The following PPIAL4A variants were observed in gnomAD, a reference collection of about 807,000 sequenced individuals.
The protein encoded by PPIAL4A is peptidyl-prolyl cis-trans isomerase A-like 4A.
In PPIAL4A, 6 loss-of-function variants were observed where a neutral mutation model predicts 7.2. The ratio of observed to expected loss-of-function variants is 0.83; its 90% CI spans 0.46 to 1.65. The LOEUF is 1.65. Among genes scored for constraint, PPIAL4A ranks in the 40% most tolerant of loss-of-function variants. PPIAL4A has a pLI of 0.01. For missense variants in PPIAL4A, 212 were observed against 209.4 expected (o/e 1.01, Z -0.08); for synonymous variants, 53 against 75.1 (o/e 0.71, Z 1.52).
At position 120,890,131 on chromosome 1, in the gene PPIAL4A, G is replaced by A; in HGVS notation, c.311G>A (p.Gly104Glu). 5 of 1,550,736 alleles carry A rather than the reference G, an allele frequency of 3.2e-6. No homozygotes were observed. The highest frequency in any genetic ancestry group is 1.8e-5 in the African/African-American group (1 of 56,806). ...GGCATCTTGTCCATGGCAAATGCTG[G>A]ACCCAACACAAATGGTTCCCAGTTT... Reference protein sequence around the residue: ...GSGILSMANAGPNTNGSQFFI... With the variant: ...GSGILSMANAEPNTNGSQFFI... The change falls in exon 1 of 1, where the codon GGA (glycine) becomes GAA (glutamate). Residue 104 changes from glycine (G) to glutamate (E), a missense_variant. By Grantham distance (98) the Gly-to-Glu change is moderately conservative. Coordinates refer to ENST00000577856, the MANE Select transcript of PPIAL4A (RefSeq NM_001143883.4).
Position 120,889,986 on chromosome 1 carries a change from A to G in PPIAL4A, c.166A>G (p.Ile56Val). 2 of 1,474,468 alleles carry G rather than the reference A, an allele frequency of 1.4e-6. No homozygotes were observed. The highest frequency in any genetic ancestry group is 1.8e-6 in the Non-Finnish European group (2 of 1,087,338). 91.3% of individuals were successfully genotyped at this position (1,474,468 alleles called of 1,614,324 possible). A position where few individuals can be genotyped will look rare whatever the true frequency, so the allele number is the denominator to read the frequency against. Reference protein sequence around the residue: ...FRYKGSCFHRIIPGFMCQGGD... With the variant: ...FRYKGSCFHRVIPGFMCQGGD... The stretch of plus-strand genomic sequence containing the variant: ...TTATAAGGGTTCCTGCTTTCACAGA[A>G]TTATTCCAGGGTTTATGTGTCAGGG... The change falls in exon 1 of 1, where the codon ATT becomes GTT. Residue 56 changes from isoleucine (I) to valine (V), a missense_variant. Physicochemically the swap from Ile to Val is conservative, Grantham distance 29. Transcript: ENST00000577856.
rs1377113725 is a variant in PPIAL4A, at chr1:120,890,090, A to G, written c.270A>G (p.Arg90=). ...AATTTGATGATGAGAACCTCATCCG[A>G]AAGCATACAGGTTCTGGCATCTTGT... ...GEKFDDENLI[R]KHTGSGILSM... Residue 90 remains arginine, a synonymous_variant, in exon 1 of 1, where the codon CGA becomes CGG. Transcript: ENST00000577856. 66 of 1,498,568 alleles carry G rather than the reference A, an allele frequency of 4.4e-5. 5 individuals carry two copies. In the East Asian group the frequency reaches 1.4e-3, roughly 31 times the overall value. 92.8% of individuals were successfully genotyped at this position (1,498,568 alleles called of 1,614,324 possible).
At position 120,890,406 on chromosome 1, in the gene PPIAL4A, C is replaced by T. The variant is rs1340307468; in HGVS notation, c.*91C>T. 2.2e-6 allele frequency: 2 copies of T among 911,182 alleles called. 1 individual carries two copies. Among genetic ancestry groups the T allele is most frequent in the Non-Finnish European group, 3.1e-6 (2 of 651,972 alleles). 56.4% of individuals were successfully genotyped at this position (911,182 alleles called of 1,614,324 possible). On this transcript the variant is annotated 3_prime_UTR_variant, in exon 1 of 1. Coordinates refer to ENST00000577856, the MANE Select transcript of PPIAL4A (RefSeq NM_001143883.4). ...CTCCACCACATTTGCTTGCAATATC[C>T]TAGAATCTTTGTGCTCTTGCTGCAG...
Position 120,889,813 on chromosome 1 carries a change from T to A in PPIAL4A, c.-8T>A. The A allele has an allele frequency of 6.8e-7, 1 of 1,466,796 alleles. No homozygotes were observed. The highest frequency in any genetic ancestry group is 9.2e-7 in the Non-Finnish European group (1 of 1,084,706). 90.9% of individuals were successfully genotyped at this position (1,466,796 alleles called of 1,614,324 possible). On this transcript the variant is annotated 5_prime_UTR_variant, in exon 1 of 1. Transcript: ENST00000577856. ...GCCACCATCACTGTGAGCCCTGTAC[T>A]ATCAGCCATGGTCAACTCCGTCGTC...
In PPIAL4A at chr1:120,889,997, G is replaced by A; in HGVS notation, c.177G>A (p.Gly59=). The A allele has an allele frequency of 6.8e-7, 1 of 1,474,062 alleles. No homozygotes were observed. Among genetic ancestry groups the A allele is most frequent in the Non-Finnish European group, 9.2e-7 (1 of 1,087,104 alleles). 91.3% of individuals were successfully genotyped at this position (1,474,062 alleles called of 1,614,324 possible). The change falls in exon 1 of 1, where the codon GGG becomes GGA. Residue 59 remains glycine, a synonymous_variant. Coordinates refer to ENST00000577856, the MANE Select transcript of PPIAL4A (RefSeq NM_001143883.4). The part of the protein sequence containing the change: ...KGSCFHRIIP[G]FMCQGGDFTR... ...CCTGCTTTCACAGAATTATTCCAGG[G>A]TTTATGTGTCAGGGTGGTGACTTCA...
At position 120,890,471 on chromosome 1, in the gene PPIAL4A, C is replaced by G; in HGVS notation, c.*156C>G. 1 of 502,486 alleles carries G rather than the reference C, an allele frequency of 2.0e-6. No individual in the cohort carries two copies. The highest frequency in any genetic ancestry group is 3.2e-6 in the Non-Finnish European group (1 of 314,564). The allele number at this position is 502,486 out of a possible 1,614,324, so 31.1% of individuals were successfully genotyped here. On this transcript the variant is annotated 3_prime_UTR_variant, in exon 1 of 1. Coordinates refer to ENST00000577856, the MANE Select transcript of PPIAL4A (RefSeq NM_001143883.4). ...CATGTTTTCCTTGTTCCCTTCCATGCCTAGCTGGATTGCAGAGTTGAGTTA... is the reference window on the plus strand; with the variant it reads ...CATGTTTTCCTTGTTCCCTTCCATGGCTAGCTGGATTGCAGAGTTGAGTTA...
rs1653234566 is a variant in PPIAL4A at position 120,890,419 on chromosome 1, G to A, written c.*104G>A. Reference sequence around the variant, plus strand: ...GCTTGCAATATCCTAGAATCTTTGTGCTCTTGCTGCAGTTCCCTTTGGGTT... The same window carrying A: ...GCTTGCAATATCCTAGAATCTTTGTACTCTTGCTGCAGTTCCCTTTGGGTT... On this transcript the variant is annotated 3_prime_UTR_variant, in exon 1 of 1. Transcript: ENST00000577856. 3 of 794,552 alleles carry A rather than the reference G, an allele frequency of 3.8e-6. No homozygotes were observed. The highest frequency in any genetic ancestry group is 5.4e-6 in the Non-Finnish European group (3 of 557,810). The allele number at this position is 794,552 out of a possible 1,614,324, so 49.2% of individuals were successfully genotyped here. A position where few individuals can be genotyped will look rare whatever the true frequency, so the allele number is the denominator to read the frequency against.
Position 120,890,485 on chromosome 1 carries a change from A to G in PPIAL4A, c.*170A>G. Reference sequence around the variant, plus strand: ...TCCCTTCCATGCCTAGCTGGATTGCAGAGTTGAGTTAAGTTTATGATTATG... The same window carrying G: ...TCCCTTCCATGCCTAGCTGGATTGCGGAGTTGAGTTAAGTTTATGATTATG... On this transcript the variant is annotated 3_prime_UTR_variant, in exon 1 of 1. Coordinates refer to ENST00000577856, the MANE Select transcript of PPIAL4A (RefSeq NM_001143883.4). The G allele has an allele frequency of 2.2e-6, 1 of 455,672 alleles. No individual in the cohort carries two copies. The highest frequency in any genetic ancestry group is 3.6e-6 in the Non-Finnish European group (1 of 277,680). The allele number at this position is 455,672 out of a possible 1,614,324, so 28.2% of individuals were successfully genotyped here.
Position 120,890,422 on chromosome 1 carries a change from C to T in PPIAL4A, c.*107C>T. On this transcript the variant is annotated 3_prime_UTR_variant, in exon 1 of 1. Coordinates refer to ENST00000577856, the MANE Select transcript of PPIAL4A (RefSeq NM_001143883.4). Reference sequence around the variant, plus strand: ...TGCAATATCCTAGAATCTTTGTGCTCTTGCTGCAGTTCCCTTTGGGTTCCA... The same window carrying T: ...TGCAATATCCTAGAATCTTTGTGCTTTTGCTGCAGTTCCCTTTGGGTTCCA... The T allele has an allele frequency of 5.2e-6, 4 of 771,910 alleles. No homozygotes were observed. The highest frequency in any genetic ancestry group is 7.4e-6 in the Non-Finnish European group (4 of 537,952). The allele number at this position is 771,910 out of a possible 1,614,324, so 47.8% of individuals were successfully genotyped here.
At position 120,890,188 on chromosome 1, in the gene PPIAL4A, ATGGCAAGCATGTGGCCTT is replaced by A; in HGVS notation, c.376_393del (p.His126_Lys131del). 1 of 1,532,336 alleles carries A rather than the reference ATGGCAAGCATGTGGCCTT, an allele frequency of 6.5e-7. No individual in the cohort carries two copies. Among genetic ancestry groups the A allele is most frequent in the Non-Finnish European group, 8.8e-7 (1 of 1,137,426 alleles). The allele number at this position is 1,532,336 out of a possible 1,614,324, so 94.9% of individuals were successfully genotyped here. ...TGTGCTGCCAAGACTGAGTGGTTGG[ATGGCAAGCATGTGGCCTT>A]TGGCAAGGTGAAAGAACGTGTGAAT... On this transcript the variant is annotated inframe_deletion, in exon 1 of 1. Transcript: ENST00000577856.
chr1:120,890,000 T>G lies in PPIAL4A; in HGVS notation c.180T>G (p.Phe60Leu). The G allele has an allele frequency of 6.8e-7, 1 of 1,473,340 alleles. No individual in the cohort carries two copies. Among genetic ancestry groups the G allele is most frequent in the South Asian group, 1.2e-5 (1 of 84,908 alleles). The allele number at this position is 1,473,340 out of a possible 1,614,324, so 91.3% of individuals were successfully genotyped here. The change falls in exon 1 of 1, where the codon TTT (phenylalanine) becomes TTG (leucine). Residue 60 changes from phenylalanine to leucine, a missense_variant. Physicochemically the swap from Phe to Leu is conservative, Grantham distance 22. Transcript: ENST00000577856. ...GSCFHRIIPG[F>L]MCQGGDFTRH... Reference sequence around the variant, plus strand: ...GCTTTCACAGAATTATTCCAGGGTTTATGTGTCAGGGTGGTGACTTCACAC... The same window carrying G: ...GCTTTCACAGAATTATTCCAGGGTTGATGTGTCAGGGTGGTGACTTCACAC...
Position 120,890,146 on chromosome 1 carries a change from G to T in PPIAL4A, c.326G>T (p.Gly109Val), listed in dbSNP as rs1351466615. 1.4e-5 allele frequency: 22 copies of T among 1,550,508 alleles called. 2 individuals are homozygous for T. The highest frequency in any genetic ancestry group is 1.9e-5 in the Non-Finnish European group (22 of 1,150,044). The change falls in exon 1 of 1, where the codon GGT becomes GTT. Residue 109 changes from glycine (G) to valine (V), a missense_variant. Coordinates refer to ENST00000577856, the MANE Select transcript of PPIAL4A (RefSeq NM_001143883.4). ...GCAAATGCTGGACCCAACACAAATG[G>T]TTCCCAGTTTTTCATCTGTGCTGCC... is the stretch of plus-strand genomic sequence containing the variant. ...SMANAGPNTN[G>V]SQFFICAAKT... is the part of the protein sequence containing the mutation.
chr1:120,889,797 A>C lies in PPIAL4A; in HGVS notation c.-24A>C. The C allele has an allele frequency of 1.4e-6, 2 of 1,465,804 alleles. No individual in the cohort carries two copies. The highest frequency in any genetic ancestry group is 1.8e-6 in the Non-Finnish European group (2 of 1,084,420). The allele number at this position is 1,465,804 out of a possible 1,614,324, so 90.8% of individuals were successfully genotyped here. A position where few individuals can be genotyped will look rare whatever the true frequency, so the allele number is the denominator to read the frequency against. On this transcript the variant is annotated 5_prime_UTR_variant, in exon 1 of 1. Coordinates refer to ENST00000577856, the MANE Select transcript of PPIAL4A (RefSeq NM_001143883.4). ...GGTTATCTTTGCAGACGCCACCATC[A>C]CTGTGAGCCCTGTACTATCAGCCAT...
Position 120,889,883 on chromosome 1 carries a change from C to T in PPIAL4A, c.63C>T (p.Ser21=), listed in dbSNP as rs1429445016. ...ACGGCAAGCCCTTGGGCCGCATCTCCATCAAACTGTTTGCAGACAAGATTC... is the reference window on the plus strand; with the variant it reads ...ACGGCAAGCCCTTGGGCCGCATCTCTATCAAACTGTTTGCAGACAAGATTC... The part of the protein sequence containing the change: ...TVDGKPLGRI[S]IKLFADKILK... Residue 21 remains serine, a synonymous_variant, in exon 1 of 1, where the codon TCC becomes TCT. Transcript: ENST00000577856. 1 of 1,469,850 alleles carries T rather than the reference C, an allele frequency of 6.8e-7. No individual in the cohort carries two copies. Among genetic ancestry groups the T allele is most frequent in the Non-Finnish European group, 9.2e-7 (1 of 1,085,596 alleles). 91.1% of individuals were successfully genotyped at this position (1,469,850 alleles called of 1,614,324 possible).
chr1:120,890,146 G>A lies in PPIAL4A; in HGVS notation c.326G>A (p.Gly109Asp). 6.4e-7 allele frequency: 1 copy of A among 1,550,618 alleles called. No homozygotes were observed. The highest frequency in any genetic ancestry group is 8.7e-7 in the Non-Finnish European group (1 of 1,150,038). Reference protein sequence around the residue: ...SMANAGPNTNGSQFFICAAKT... With the variant: ...SMANAGPNTNDSQFFICAAKT... ...GCAAATGCTGGACCCAACACAAATG[G>A]TTCCCAGTTTTTCATCTGTGCTGCC... Residue 109 changes from glycine (G) to aspartate (D), a missense_variant, in exon 1 of 1, where the codon GGT becomes GAT. Gly to Asp is a moderately conservative substitution (Grantham distance 94). Transcript: ENST00000577856.
chr1:120,889,820 C>T lies in PPIAL4A; in HGVS notation c.-1C>T, dbSNP rs1653219700. ...TCACTGTGAGCCCTGTACTATCAGCCATGGTCAACTCCGTCGTCTTTTTTG... is the reference window on the plus strand; with the variant it reads ...TCACTGTGAGCCCTGTACTATCAGCTATGGTCAACTCCGTCGTCTTTTTTG... On this transcript the variant is annotated 5_prime_UTR_variant, in exon 1 of 1. Transcript: ENST00000577856. 1.4e-6 allele frequency: 2 copies of T among 1,467,050 alleles called. No homozygotes were observed. Among genetic ancestry groups the T allele is most frequent in the Admixed American group, 3.7e-5 (2 of 54,630 alleles). The allele number at this position is 1,467,050 out of a possible 1,614,324, so 90.9% of individuals were successfully genotyped here. A position where few individuals can be genotyped will look rare whatever the true frequency, so the allele number is the denominator to read the frequency against.
At position 120,889,849 on chromosome 1, in the gene PPIAL4A, T is replaced by C. The variant is rs1160494630; in HGVS notation, c.29T>C (p.Ile10Thr). 6.8e-7 allele frequency: 1 copy of C among 1,468,380 alleles called. No homozygotes were observed. Among genetic ancestry groups the C allele is most frequent in the East Asian group, 2.3e-5 (1 of 44,444 alleles). The allele number at this position is 1,468,380 out of a possible 1,614,324, so 91.0% of individuals were successfully genotyped here. ...GTCAACTCCGTCGTCTTTTTTGACA[T>C]CACCGTCGACGGCAAGCCCTTGGGC... MVNSVVFFD[I>T]TVDGKPLGRI... Residue 10 changes from isoleucine (I) to threonine (T), a missense_variant, in exon 1 of 1, where the codon ATC (isoleucine) becomes ACC (threonine). Transcript: ENST00000577856.
At position 120,889,932 on chromosome 1, in the gene PPIAL4A, G is replaced by T. The variant is rs1448981320; in HGVS notation, c.112G>T (p.Ala38Ser). The change falls in exon 1 of 1, where the codon GCT becomes TCT. Residue 38 changes from alanine (A) to serine (S), a missense_variant. Coordinates refer to ENST00000577856, the MANE Select transcript of PPIAL4A (RefSeq NM_001143883.4). ...TCTAAAGACAGCGGAAAACTTTCGT[G>T]CTCTGAGCACTGGAGAGAAAGGATT... The part of the protein sequence containing the change: ...KILKTAENFR[A>S]LSTGEKGFRY... 6.8e-7 allele frequency: 1 copy of T among 1,471,188 alleles called. No homozygotes were observed. Among genetic ancestry groups the T allele is most frequent in the Non-Finnish European group, 9.2e-7 (1 of 1,086,174 alleles). The allele number at this position is 1,471,188 out of a possible 1,614,324, so 91.1% of individuals were successfully genotyped here.
Position 120,890,013 on chromosome 1 carries a change from G to T in PPIAL4A, c.193G>T (p.Gly65Cys), listed in dbSNP as rs1266620850. ...RIIPGFMCQG[G>C]DFTRHNGTGD... ...TATTCCAGGGTTTATGTGTCAGGGTGGTGACTTCACACGCCATAATGGCAC... is the reference window on the plus strand; with the variant it reads ...TATTCCAGGGTTTATGTGTCAGGGTTGTGACTTCACACGCCATAATGGCAC... Residue 65 changes from glycine (G) to cysteine (C), a missense_variant, in exon 1 of 1, where the codon GGT becomes TGT. Gly to Cys is a radical substitution (Grantham distance 159). Coordinates refer to ENST00000577856, the MANE Select transcript of PPIAL4A (RefSeq NM_001143883.4). 183 of 1,471,514 alleles carry T rather than the reference G, an allele frequency of 1.2e-4. 42 individuals are homozygous for T. The highest frequency in any genetic ancestry group is 1.6e-4 in the Non-Finnish European group (176 of 1,086,206). 91.2% of individuals were successfully genotyped at this position (1,471,514 alleles called of 1,614,324 possible). A position where few individuals can be genotyped will look rare whatever the true frequency, so the allele number is the denominator to read the frequency against.
Sources: gnomAD v4.1 joint callset for allele counts on GRCh38, gnomAD v4.1.1 for gene constraint, MANE v1.5 for transcripts, NCBI Gene and HGNC (gene_info 2026-07-23, HGNC 2026-07-21) for gene names.